LOC728392: variants seen among roughly 807,000 people sequenced by gnomAD.
chr17:5,500,354 CA>C, the LOC728392 span: 1 of 1,041,752 alleles, frequency 9.6e-7, no homozygotes, highest in East Asian at 1.1e-4. This position sits in a 1 kb window ranked among gnomAD's most constrained non-coding sequence, Gnocchi z 5.4. Flanking sequence ...AATCACACCC[CA>C]AAATTCTAAA....
the LOC728392 span, chr17:5,500,751 GCCTTCGGGGGCTGCCCGGCGCGGCCC>G: frequency 2.4e-6 from 3 of 1,225,446 alleles, no homozygotes; most frequent in Non-Finnish European, 3.1e-6. The surrounding 1 kb of genome is among the most constrained non-coding windows in gnomAD (Gnocchi z 5.4). Context: ...GCGCGATGCG[GCCTTCGGGGGCTGCCCGGCGCGGCCC>G]CCCTGCGCCC....
chr17:5,500,628 A>G, the LOC728392 span: 1 of 1,270,288 alleles, frequency 7.9e-7, no homozygotes, highest in Non-Finnish European at 1.0e-6. The surrounding 1 kb of genome is among the most constrained non-coding windows in gnomAD (Gnocchi z 5.4). Flanking sequence ...ATAGGTAAAG[A>G]TGCAGGAGGT....
At chr17:5,500,742 C>G in the LOC728392 span, 1 of 1,236,216 alleles carries the variant, frequency 8.1e-7, no homozygotes. This position sits in a 1 kb window ranked among gnomAD's most constrained non-coding sequence, Gnocchi z 5.4. Context: ...GGGCGGGGGG[C>G]GCGATGCGGC....
the LOC728392 span, chr17:5,500,321 C>T: frequency 1.9e-6 from 2 of 1,042,162 alleles, no homozygotes; most frequent in South Asian, 2.9e-5. The surrounding 1 kb of genome is among the most constrained non-coding windows in gnomAD (Gnocchi z 5.4). Context: ...GGTCCAGGGG[C>T]ATTCTAATTA....
the LOC728392 span, chr17:5,500,564 G>C: frequency 8.2e-7 from 1 of 1,219,422 alleles, no homozygotes; most frequent in Non-Finnish European, 1.0e-6. The surrounding 1 kb of genome is among the most constrained non-coding windows in gnomAD (Gnocchi z 5.4). Flanking sequence ...CTCCCCGCTC[G>C]GTCCTGCGCC....
At chr17:5,500,580 C>T in the LOC728392 span, 7 of 1,242,260 alleles carry the variant, frequency 5.6e-6, no homozygotes, top group Non-Finnish European at 6.2e-6. This position sits in a 1 kb window ranked among gnomAD's most constrained non-coding sequence, Gnocchi z 5.4. Context: ...GCGCCCACCC[C>T]GTCCCGCGCT....
chr17:5,500,667 A>C, the LOC728392 span: 1 of 1,273,572 alleles, frequency 7.9e-7, no homozygotes, highest in Non-Finnish European at 1.0e-6. The surrounding 1 kb of genome is among the most constrained non-coding windows in gnomAD (Gnocchi z 5.4). Context: ...TGCGTAGATG[A>C]AGATGGAGAG....
chr17:5,500,687 A>G, the LOC728392 span: 1 of 1,271,222 alleles, frequency 7.9e-7, no homozygotes, highest in Non-Finnish European at 1.0e-6. The surrounding 1 kb of genome is among the most constrained non-coding windows in gnomAD (Gnocchi z 5.4). Context: ...GGTGCGGAAA[A>G]TGGTCGAGAT....
the LOC728392 span, chr17:5,499,738 C>A: frequency 1.0e-6 from 1 of 981,228 alleles, no homozygotes; most frequent in Non-Finnish European, 1.2e-6. Context: ...CAGAACGAAG[C>A]CATCCTAGAG....
chr17:5,500,579 C>T, the LOC728392 span: 2 of 1,242,536 alleles, frequency 1.6e-6, no homozygotes, highest in African/African-American at 1.6e-5. The surrounding 1 kb of genome is among the most constrained non-coding windows in gnomAD (Gnocchi z 5.4). Context: ...TGCGCCCACC[C>T]CGTCCCGCGC....
chr17:5,499,908 T>G, the LOC728392 span: 3 of 984,428 alleles, frequency 3.0e-6, no homozygotes, highest in African/African-American at 3.6e-5. Context: ...AGACAGCTCC[T>G]CCGGGTACCA....
At chr17:5,499,643 TG>T in the LOC728392 span, 1 of 444,278 alleles carries the variant, frequency 2.3e-6, no homozygotes, top group Non-Finnish European at 3.0e-6. Context: ...AGGGATCAGG[TG>T]GTTTTCCCGC....
the LOC728392 span, chr17:5,500,989 T>C: frequency 8.2e-7 from 1 of 1,220,514 alleles, no homozygotes. This position sits in a 1 kb window ranked among gnomAD's most constrained non-coding sequence, Gnocchi z 5.4. Context: ...GTCAGCCGGG[T>C]CTGGGTCAGA....
the LOC728392 span, chr17:5,500,721 G>A: frequency 2.4e-6 from 3 of 1,245,660 alleles, no homozygotes; most frequent in African/African-American, 3.3e-5. This position sits in a 1 kb window ranked among gnomAD's most constrained non-coding sequence, Gnocchi z 5.4. Context: ...CAGTGGAGGC[G>A]CCTCCTTCTT....
At chr17:5,500,515 T>C in the LOC728392 span, 1 of 1,196,220 alleles carries the variant, frequency 8.4e-7, no homozygotes, top group Non-Finnish European at 1.1e-6. This position sits in a 1 kb window ranked among gnomAD's most constrained non-coding sequence, Gnocchi z 5.4. Context: ...TGCAGCGCTG[T>C]TCTAAAACAC....
At chr17:5,499,440 A>T in the LOC728392 span, 1 of 152,230 alleles carries the variant, frequency 6.6e-6, no homozygotes, top group East Asian at 1.9e-4. Context: ...AGGAGACTGA[A>T]AAAGATAATT....
chr17:5,500,675 G>C, the LOC728392 span: 3 of 1,273,034 alleles, frequency 2.4e-6, no homozygotes, highest in Non-Finnish European at 2.1e-6. This position sits in a 1 kb window ranked among gnomAD's most constrained non-coding sequence, Gnocchi z 5.4. Context: ...TGAAGATGGA[G>C]AGGTGCGGAA....
chr17:5,499,906 C>T, the LOC728392 span: 3 of 984,594 alleles, frequency 3.0e-6, no homozygotes, highest in South Asian at 1.4e-4. Context: ...TGAGACAGCT[C>T]CTCCGGGTAC....
chr17:5,500,707 C>T, the LOC728392 span: 5 of 1,254,402 alleles, frequency 4.0e-6, no homozygotes, highest in African/African-American at 6.5e-5. The surrounding 1 kb of genome is among the most constrained non-coding windows in gnomAD (Gnocchi z 5.4). Flanking sequence ...TAGCAGCCCT[C>T]GTCCAGTGGA....
Sources: gnomAD v4.1 joint callset for allele counts on GRCh38, gnomAD v4.1.1 for gene constraint, Gnocchi (gnomAD v3.1) non-coding constraint, MANE v1.5 for transcripts.